Variants in TGFBR2 observed in about 807,000 individuals in gnomAD.
TGFBR2 encodes the protein TGF-beta receptor type-2.
Under a neutral mutation model 49.0 loss-of-function variants are expected in TGFBR2, and 18 were observed. The observed-to-expected ratio is 0.37, with a 90% CI of 0.25 to 0.54. The LOEUF (loss-of-function observed/expected upper bound fraction) is 0.54. TGFBR2 is among the 20% of genes least tolerant of loss of function. The pLI is 0.85. For missense variants in TGFBR2, 525 were observed against 722.6 expected (o/e 0.73, Z 3.13); for synonymous variants, 282 against 275.9 (o/e 1.02, Z -0.22).
At chr3:30,680,289 G>C (rs2125444882) in intron 5 of TGFBR2, among the ~76,000 whole-genome samples, 1 of 152,230 alleles carries the variant, frequency 6.6e-6, no homozygotes, top group East Asian at 1.9e-4. Flanking sequence ...CACTTCTCTG[G>C]GTGAATCCCT....
chr3:30,620,373 G>T (rs929021419), intron 1 of TGFBR2, among the ~76,000 whole-genome samples: 1 of 152,084 alleles, frequency 6.6e-6, no homozygotes, highest in Admixed American at 6.6e-5. Context: ...CCAAGGCGGG[G>T]AGTGCTATTT....
In TGFBR2 at chr3:30,614,221, C is replaced by T. The variant is rs188476781; in HGVS notation, c.94+7244C>T. Among the ~76,000 whole-genome samples the T allele has an allele frequency of 1.3e-3, 187 of 148,656 alleles. 1 individual carries two copies. The highest frequency in any genetic ancestry group is 4.5e-3 in the African/African-American group (181 of 40,256). On this transcript the variant is annotated intron_variant, in intron 1 of 6. Coordinates refer to ENST00000295754, the MANE Select transcript of TGFBR2 (RefSeq NM_003242.6). The stretch of plus-strand genomic sequence containing the variant: ...GTGAAGTTTATCTGAATGTTTTTTC[C>T]TCCTATTGTAAATATTTTATTTGAA...
At chr3:30,665,414 A>G (rs1447067251) in intron 3 of TGFBR2, among the ~76,000 whole-genome samples, 2 of 152,230 alleles carry the variant, frequency 1.3e-5, no homozygotes, top group South Asian at 2.1e-4. Flanking sequence ...TAACTCATAC[A>G]TAGGGTTATT....
chr3:30,621,292 T>A (rs1247185937), intron 1 of TGFBR2, among the ~76,000 whole-genome samples: 4 of 150,012 alleles, frequency 2.7e-5, no homozygotes, highest in Non-Finnish European at 4.5e-5. Flanking sequence ...TTTTTTTTTT[T>A]TTTTTGAGAC....
intron 3 of TGFBR2, among the ~76,000 whole-genome samples, chr3:30,668,541 C>T (rs1339071551): frequency 1.3e-5 from 2 of 152,136 alleles, no homozygotes; most frequent in African/African-American, 4.8e-5. Context: ...ATTTTGTTTG[C>T]TGTACAACAG....
chr3:30,629,050 T>C (rs1339153415), intron 1 of TGFBR2, among the ~76,000 whole-genome samples: 2 of 152,190 alleles, frequency 1.3e-5, no homozygotes, highest in African/African-American at 4.8e-5. Context: ...TCTCCTTCCA[T>C]TTCCCTCTGG....
intron 2 of TGFBR2, among the ~76,000 whole-genome samples, chr3:30,646,038 T>A (rs1196616420): frequency 6.6e-6 from 1 of 152,230 alleles, no homozygotes; most frequent in Non-Finnish European, 1.5e-5. Context: ...CTTATTCTGA[T>A]GTTTTTAATT....
chr3:30,633,385 C>T (rs1698472017), intron 1 of TGFBR2, among the ~76,000 whole-genome samples: 1 of 152,134 alleles, frequency 6.6e-6, no homozygotes, highest in Non-Finnish European at 1.5e-5. Flanking sequence ...AAGTAGATGT[C>T]CTCTGGCCTT....
At chr3:30,649,086 A>G (rs1040736617) in intron 2 of TGFBR2, among the ~76,000 whole-genome samples, 20 of 152,104 alleles carry the variant, frequency 1.3e-4, no homozygotes, top group Non-Finnish European at 2.8e-4. Context: ...ACATGCATGC[A>G]TTGGCTCATG....
chr3:30,682,663 C>T (rs1699559472), intron 5 of TGFBR2, among the ~76,000 whole-genome samples: 1 of 152,202 alleles, frequency 6.6e-6, no homozygotes, highest in Non-Finnish European at 1.5e-5. Context: ...CTCACCTCCA[C>T]CACCAGTCAC....
Position 30,671,960 on chromosome 3 carries a change from T to A in TGFBR2, c.777T>A (p.Tyr259Ter). The part of the protein sequence containing the change: ...LVGKGRFAEV[Y>*]KAKLKQNTSE... ...GGAAAGGTCGCTTTGCTGAGGTCTA[T>A]AAGGCCAAGCTGAAGCAGAACACTT... The change falls in exon 4 of 7, where the codon TAT (tyrosine) becomes TAA (stop). Residue 259 changes from tyrosine to a stop codon, truncating the protein, a stop_gained. Coordinates refer to ENST00000295754, the MANE Select transcript of TGFBR2 (RefSeq NM_003242.6). LOFTEE classifies it high-confidence loss of function. 6.2e-7 allele frequency: 1 copy of A among 1,614,140 alleles called. No individual in the cohort carries two copies. The highest frequency in any genetic ancestry group is 8.5e-7 in the Non-Finnish European group (1 of 1,180,024).
In TGFBR2 at chr3:30,671,761, G is replaced by A. The variant is rs748437880; in HGVS notation, c.578G>A (p.Arg193Gln). The A allele has an allele frequency of 1.5e-5, 24 of 1,614,034 alleles. No individual in the cohort carries two copies. The highest frequency in any genetic ancestry group is 8.8e-5 in the South Asian group (8 of 91,086). ...IIIFYCYRVN[R>Q]QQKLSSTWET... ...ATCTTCTACTGCTACCGCGTTAACCGGCAGCAGAAGCTGAGTTCAACCTGG... is the reference window on the plus strand; with the variant it reads ...ATCTTCTACTGCTACCGCGTTAACCAGCAGCAGAAGCTGAGTTCAACCTGG... The change falls in exon 4 of 7, where the codon CGG becomes CAG. Residue 193 changes from arginine (R) to glutamine (Q), a missense_variant. Physicochemically the swap from Arg to Gln is conservative, Grantham distance 43. Transcript: ENST00000295754.
chr3:30,658,756 G>A (rs1699055212), intron 3 of TGFBR2, among the ~76,000 whole-genome samples: 1 of 152,108 alleles, frequency 6.6e-6, no homozygotes, highest in East Asian at 1.9e-4. Flanking sequence ...CCTATCTCTG[G>A]CAGGAAGACA....
chr3:30,625,751 G>A (rs1334776383), intron 1 of TGFBR2, among the ~76,000 whole-genome samples: 2 of 152,086 alleles, frequency 1.3e-5, no homozygotes, highest in Admixed American at 6.5e-5. Context: ...AATTGGGTTG[G>A]GCTTGATTGT....
At chr3:30,629,502 A>G (rs1698397718) in intron 1 of TGFBR2, among the ~76,000 whole-genome samples, 1 of 152,184 alleles carries the variant, frequency 6.6e-6, no homozygotes, top group Non-Finnish European at 1.5e-5. Flanking sequence ...TATACCCTCC[A>G]TACCTGGCCT....
rs139938413 is a variant in TGFBR2 at position 30,693,106 on chromosome 3, A to G, written c.*1507A>G. 775 of 233,244 alleles carry G rather than the reference A, an allele frequency of 3.3e-3. 3 individuals carry two copies. Among genetic ancestry groups the G allele is most frequent in the African/African-American group, 0.013 (588 of 45,456 alleles). 14.4% of individuals were successfully genotyped at this position (233,244 alleles called of 1,614,324 possible). ...TGTTAAGATTTGAAGTTGGCCTTTT[A>G]TTGGACTAAAGGGGAACTCCTTTAA... On this transcript the variant is annotated 3_prime_UTR_variant, in exon 7 of 7. Transcript: ENST00000295754.
chr3:30,692,001 A>C lies in TGFBR2; in HGVS notation c.*402A>C, dbSNP rs1243082510. Reference sequence around the variant, plus strand: ...ACAAGGAAAAACATCAAATATTCCCAGGAAATTGGTTTTATTGGAGAACTC... The same window carrying C: ...ACAAGGAAAAACATCAAATATTCCCCGGAAATTGGTTTTATTGGAGAACTC... On this transcript the variant is annotated 3_prime_UTR_variant, in exon 7 of 7. Transcript: ENST00000295754. The C allele has an allele frequency of 1.4e-5, 3 of 221,090 alleles. No individual in the cohort carries two copies. The highest frequency in any genetic ancestry group is 6.7e-5 in the African/African-American group (3 of 44,460). 13.7% of individuals were successfully genotyped at this position (221,090 alleles called of 1,614,324 possible).
At chr3:30,642,036 ATACATCTGTG>A (rs1331860185) in intron 1 of TGFBR2, among the ~76,000 whole-genome samples, 16 of 152,076 alleles carry the variant, frequency 1.1e-4, no homozygotes, top group Admixed American at 9.8e-4. Context: ...GCATTTGTCA[ATACATCTGTG>A]GCCACCACTG....
chr3:30,623,379 G>A (rs189326031), intron 1 of TGFBR2: 68 of 1,397,242 alleles, frequency 4.9e-5, no homozygotes, highest in Middle Eastern at 3.7e-4. Flanking sequence ...TAGTCTCCTC[G>A]TATTTTCATA....
Sources: gnomAD v4.1 joint callset for allele counts (sites outside exome capture counted in the v4.1 genomes callset) on GRCh38, gnomAD v4.1.1 for gene constraint, MANE v1.5 for transcripts, NCBI Gene and HGNC (gene_info 2026-07-23, HGNC 2026-07-21) for gene names.